The following SPECC1L variants were observed in gnomAD, a reference collection of about 807,000 sequenced individuals.
SPECC1L encodes sperm antigen with calponin homology and coiled-coil domains 1 like.
In SPECC1L, 40 loss-of-function variants were observed where a neutral mutation model predicts 116.8. That is an observed-to-expected ratio of 0.34 (90% CI 0.27 to 0.45). SPECC1L has a LOEUF of 0.45. SPECC1L is among the 20% of genes least tolerant of loss of function. The pLI is 1.00. For missense variants in SPECC1L, 1,110 were observed against 1,373.6 expected (o/e 0.81, Z 3.03); for synonymous variants, 504 against 500.6 (o/e 1.01, Z -0.09).
chr22:24,363,251 C>CTTTG lies in SPECC1L; in HGVS notation c.2744-8_2744-5dup. 6.2e-7 allele frequency: 1 copy of CTTTG among 1,612,284 alleles called. No homozygotes were observed. Among genetic ancestry groups the CTTTG allele is most frequent in the East Asian group, 2.2e-5 (1 of 44,886 alleles). On this transcript the variant is annotated splice_polypyrimidine_tract_variant and intron_variant, in intron 11 of 16. Transcript: ENST00000314328. ...GATTTCTTTATTGGGATTCTTTCTA[C>CTTTG]TTTGTACAGAGCATCTGTTAAGAAC...
intron 14 of SPECC1L, among the ~76,000 whole-genome samples, chr22:24,374,870 T>G (rs955041756): frequency 7.0e-6 from 1 of 143,738 alleles, no homozygotes. Flanking sequence ...AAATAGAAAA[T>G]AGAAAAACAA....
At chr22:24,343,376 A>T (rs2041219669) in intron 10 of SPECC1L, 5 of 391,534 alleles carry the variant, frequency 1.3e-5, no homozygotes, top group Non-Finnish European at 2.0e-5. Context: ...GAAACTCTTA[A>T]GGACAGGCAG....
intron 2 of SPECC1L, among the ~76,000 whole-genome samples, chr22:24,287,216 T>C (rs2049059684): frequency 6.6e-6 from 1 of 152,198 alleles, no homozygotes; most frequent in African/African-American, 2.4e-5. Flanking sequence ...TGTGTGACTA[T>C]GTGTGCACGT....
Position 24,308,190 on chromosome 22 carries a change from A to G in SPECC1L, c.154-5123A>G, listed in dbSNP as rs184209609. On this transcript the variant is annotated intron_variant, in intron 3 of 16. Transcript: ENST00000314328. ...TTTTATAACCATAGTAATAACATTG[A>G]TAGGATGCTAGTATCTAATGTATAA... 2.0e-5 allele frequency among the ~76,000 whole-genome samples: 3 copies of G among 152,276 alleles called. 1 individual carries two copies. The East Asian group carries it at 5.8e-4, about 29-fold the overall frequency.
chr22:24,280,708 G>T (rs1239611997), intron 2 of SPECC1L, among the ~76,000 whole-genome samples: 1 of 151,390 alleles, frequency 6.6e-6, no homozygotes, highest in Non-Finnish European at 1.5e-5. Flanking sequence ...CTTCCAGGTA[G>T]CTGGGACTAT....
At chr22:24,335,711 CTGTTGG>C (rs1172085744) in intron 9 of SPECC1L, among the ~76,000 whole-genome samples, 1 of 152,184 alleles carries the variant, frequency 6.6e-6, no homozygotes, top group Non-Finnish European at 1.5e-5. Flanking sequence ...CTCCTACACA[CTGTTGG>C]TGTAGACATT....
At chr22:24,402,368 C>G (rs2042496137) in intron 14 of SPECC1L, among the ~76,000 whole-genome samples, 1 of 152,116 alleles carries the variant, frequency 6.6e-6, no homozygotes, top group African/African-American at 2.4e-5. Context: ...TATCAATCAA[C>G]AGTCTCGATG....
At position 24,394,511 on chromosome 22, in the gene SPECC1L, A is replaced by G. The variant is rs1601339923; in HGVS notation, c.3088-17077A>G. Among the ~76,000 whole-genome samples, 3 of 152,350 alleles carry G rather than the reference A, an allele frequency of 2.0e-5. No individual in the cohort carries two copies. The South Asian group carries it at 6.2e-4, about 32-fold the overall frequency. ...TTTCAACATAAGAATTTGGGGAAAC[A>G]GGAATATTCAGTCCATTGCATATGC... On this transcript the variant is annotated intron_variant, in intron 14 of 16. Transcript: ENST00000314328.
intron 4 of SPECC1L, among the ~76,000 whole-genome samples, chr22:24,315,280 G>A (rs989041182): frequency 2.6e-5 from 4 of 152,244 alleles, no homozygotes; most frequent in African/African-American, 9.6e-5. Context: ...TTAACAGGAA[G>A]GAATATTGAA....
intron 2 of SPECC1L, among the ~76,000 whole-genome samples, chr22:24,298,942 G>A (rs1161557009): frequency 1.3e-5 from 2 of 152,214 alleles, no homozygotes; most frequent in Admixed American, 1.3e-4. Flanking sequence ...CACACTGAGA[G>A]TGATTCACCT....
intron 14 of SPECC1L, among the ~76,000 whole-genome samples, chr22:24,389,546 A>G (rs2042226203): frequency 6.7e-6 from 1 of 149,594 alleles, no homozygotes; most frequent in Non-Finnish European, 1.5e-5. Flanking sequence ...GAAAGGATCT[A>G]TCTACCTCTT....
At chr22:24,296,440 T>C (rs1361226198) in intron 2 of SPECC1L, among the ~76,000 whole-genome samples, 6 of 152,256 alleles carry the variant, frequency 3.9e-5, no homozygotes, top group Non-Finnish European at 7.3e-5. Flanking sequence ...TTCAGATTAT[T>C]CTTAGAACAC....
At chr22:24,376,284 G>T (rs62233973) in intron 14 of SPECC1L, among the ~76,000 whole-genome samples, 2 of 152,082 alleles carry the variant, frequency 1.3e-5, no homozygotes, top group African/African-American at 4.8e-5. Flanking sequence ...TTCCAACATC[G>T]TGAGTAGCTG....
intron 15 of SPECC1L, 39 bp from the exon 16 acceptor site, chr22:24,412,609 C>A: frequency 6.2e-7 from 1 of 1,607,086 alleles, no homozygotes; most frequent in Non-Finnish European, 8.5e-7. Flanking sequence ...TTTCTCTGTG[C>A]CTTGTTCATG....
At position 24,415,256 on chromosome 22, in the gene SPECC1L, G is replaced by A. The variant is rs371185966; in HGVS notation, c.*633G>A. ...TATCTAGAGGGCGTGGTGCGGGCAC[G>A]CCAGGGCTGGGGTGCTGCTGCTGCA... On this transcript the variant is annotated 3_prime_UTR_variant, in exon 17 of 17. Transcript: ENST00000314328. The A allele has an allele frequency of 3.1e-3, 488 of 155,536 alleles. 11 individuals carry two copies. The South Asian group carries it at 0.074, about 23-fold the overall frequency. 9.6% of individuals were successfully genotyped at this position (155,536 alleles called of 1,614,324 possible).
rs1036592860 is a variant in SPECC1L at position 24,316,590 on chromosome 22, TG to T, written c.307+3129del. Reference sequence around the variant, plus strand: ...GCACATGTTTCAGAGAGCACAGGGTTGGGGGTAAGGTCACAGATCAACAGGA... The same window carrying T: ...GCACATGTTTCAGAGAGCACAGGGTTGGGGTAAGGTCACAGATCAACAGGA... On this transcript the variant is annotated intron_variant, in intron 4 of 16. Transcript: ENST00000314328. Among the ~76,000 whole-genome samples, 142 of 149,802 alleles carry T rather than the reference TG, an allele frequency of 9.5e-4. 1 individual carries two copies. Among genetic ancestry groups the T allele is most frequent in the African/African-American group, 3.4e-3 (135 of 40,098 alleles).
intron 14 of SPECC1L, among the ~76,000 whole-genome samples, chr22:24,390,715 G>A (rs2042246006): frequency 1.3e-5 from 2 of 152,064 alleles, no homozygotes. Flanking sequence ...AACTCCTGGA[G>A]TCTAATCATT....
chr22:24,326,773 CTT>C (rs1185873984), intron 6 of SPECC1L, among the ~76,000 whole-genome samples: 1 of 152,122 alleles, frequency 6.6e-6, no homozygotes, highest in Non-Finnish European at 1.5e-5. Flanking sequence ...CAGGACCTGA[CTT>C]TGTTACACAG....
At chr22:24,313,827 C>T (rs1418730771) in intron 4 of SPECC1L, among the ~76,000 whole-genome samples, 7 of 151,866 alleles carry the variant, frequency 4.6e-5, no homozygotes. Context: ...CAACCTTCGC[C>T]TCCCAGGTTC....
Sources: gnomAD v4.1 joint callset for allele counts (sites outside exome capture counted in the v4.1 genomes callset) on GRCh38, gnomAD v4.1.1 for gene constraint, MANE v1.5 for transcripts, NCBI Gene and HGNC (gene_info 2026-07-23, HGNC 2026-07-21) for gene names.